GUCY1A2: variants seen among roughly 807,000 people sequenced by gnomAD.
The protein encoded by GUCY1A2 is guanylate cyclase 1 soluble subunit alpha 2, also known as guanylate cyclase soluble subunit alpha-2.
A neutral mutation model predicts 63.5 loss-of-function variants in GUCY1A2; 27 were observed. That is an observed-to-expected ratio of 0.43 (90% CI 0.31 to 0.59). The LOEUF is 0.59. Among genes scored for constraint, GUCY1A2 ranks in the 20% least tolerant of loss-of-function variants. The pLI is 0.11. For missense variants in GUCY1A2, 768 were observed against 913.3 expected (o/e 0.84, Z 2.05); for synonymous variants, 364 against 343.5 (o/e 1.06, Z -0.66).
intron 6 of GUCY1A2, among the ~76,000 whole-genome samples, chr11:106,758,463 A>T (rs1468609256): frequency 2.0e-5 from 3 of 152,158 alleles, no homozygotes; most frequent in African/African-American, 7.2e-5. Context: ...AGGTGAAGCA[A>T]CGCCACACAC....
At chr11:106,867,968 A>T (rs1859618992) in intron 4 of GUCY1A2, among the ~76,000 whole-genome samples, 1 of 151,998 alleles carries the variant, frequency 6.6e-6, no homozygotes, top group Non-Finnish European at 1.5e-5. Context: ...TCCCACCTTA[A>T]ATACACACCC....
chr11:106,978,978 A>G (rs1861298728), intron 2 of GUCY1A2, among the ~76,000 whole-genome samples: 1 of 152,236 alleles, frequency 6.6e-6, no homozygotes, highest in Admixed American at 6.5e-5. Flanking sequence ...AAAATTGAAG[A>G]GAACAAAAAA....
intron 6 of GUCY1A2, among the ~76,000 whole-genome samples, chr11:106,768,248 G>C (rs1012132458): frequency 6.6e-6 from 1 of 152,024 alleles, no homozygotes; most frequent in Non-Finnish European, 1.5e-5. Flanking sequence ...TCAGCTTCTC[G>C]AGTATCTGGG....
In GUCY1A2 at chr11:106,920,222, G is replaced by A. The variant is rs1017203082; in HGVS notation, c.1206+19238C>T. Among the ~76,000 whole-genome samples, 6 of 152,002 alleles carry A rather than the reference G, an allele frequency of 3.9e-5. No homozygotes were observed. The East Asian group carries it at 5.8e-4, about 15-fold the overall frequency. On this transcript the variant is annotated intron_variant, in intron 4 of 7. Coordinates refer to ENST00000526355, the MANE Select transcript of GUCY1A2 (RefSeq NM_000855.3). ...CCGAGAATGGTTATTTCAGTGGATG[G>A]AGCAGTGCAGAACTGGGAAGAAAGT...
chr11:106,781,079 A>G (rs1297934838), intron 5 of GUCY1A2, among the ~76,000 whole-genome samples: 1 of 151,606 alleles, frequency 6.6e-6, no homozygotes, highest in East Asian at 1.9e-4. Flanking sequence ...GAGCTAAACC[A>G]AAATGAAACA....
In GUCY1A2 at chr11:106,810,022, G is replaced by T; in HGVS notation, c.1663C>A (p.His555Asn). 6.2e-7 allele frequency: 1 copy of T among 1,604,940 alleles called. No individual in the cohort carries two copies. The highest frequency in any genetic ancestry group is 8.5e-7 in the Non-Finnish European group (1 of 1,172,154). Residue 555 changes from histidine (H) to asparagine (N), a missense_variant, in exon 5 of 8, where the codon CAC (histidine) becomes AAC (asparagine). Around this residue, in one of 3 missense-constraint regions of GUCY1A2, gnomAD observed 122 missense variants for 238.1 expected, o/e 0.51. Coordinates refer to ENST00000526355, the MANE Select transcript of GUCY1A2 (RefSeq NM_000855.3). ...TAAATATCCAAAAATCCACACTGGT[G>T]GTCAAATCTGGTGTACAGTTCATTC... is the stretch of plus-strand genomic sequence containing the variant. ...MLNELYTRFD[H>N]QCGFLDIYKV...
chr11:106,816,180 A>C (rs1350506672), intron 4 of GUCY1A2, among the ~76,000 whole-genome samples: 2 of 151,036 alleles, frequency 1.3e-5, no homozygotes, highest in Non-Finnish European at 3.0e-5. Context: ...AAAAAAAAAA[A>C]AAAAAAAAAC....
At chr11:106,796,563 G>T (rs1409387436) in intron 5 of GUCY1A2, among the ~76,000 whole-genome samples, 2 of 152,102 alleles carry the variant, frequency 1.3e-5, no homozygotes, top group Non-Finnish European at 2.9e-5. Context: ...TGAAATTCTG[G>T]GTTGAAAATT....
At chr11:106,711,506 C>G (rs979418430) in intron 6 of GUCY1A2, among the ~76,000 whole-genome samples, 5 of 152,174 alleles carry the variant, frequency 3.3e-5, no homozygotes, top group African/African-American at 1.2e-4. Flanking sequence ...CCAGGCTGCT[C>G]TATTCCCCTC....
At chr11:106,716,235 A>T (rs1863211190) in intron 6 of GUCY1A2, among the ~76,000 whole-genome samples, 1 of 152,202 alleles carries the variant, frequency 6.6e-6, no homozygotes. Flanking sequence ...ACAGCAGATC[A>T]TATAGCACAG....
At chr11:106,746,770 T>C in intron 6 of GUCY1A2, 1 of 538,406 alleles carries the variant, frequency 1.9e-6, no homozygotes, top group Non-Finnish European at 3.3e-6. Context: ...GTCACTGAGG[T>C]TGACATTGGT....
intron 5 of GUCY1A2, among the ~76,000 whole-genome samples, chr11:106,777,818 C>CTAAAG (rs1296889019): frequency 6.6e-6 from 1 of 151,804 alleles, no homozygotes; most frequent in East Asian, 1.9e-4. Context: ...ACCCCAGAAC[C>CTAAAG]TAAAGTATAA....
At chr11:106,945,556 C>T (rs1373176014) in intron 3 of GUCY1A2, among the ~76,000 whole-genome samples, 1 of 152,198 alleles carries the variant, frequency 6.6e-6, no homozygotes, top group African/African-American at 2.4e-5. Flanking sequence ...TGTACATATA[C>T]ATCATATACA....
At chr11:106,774,226 G>A (rs1405406333) in intron 6 of GUCY1A2, among the ~76,000 whole-genome samples, 3 of 151,714 alleles carry the variant, frequency 2.0e-5, no homozygotes, top group East Asian at 1.9e-4. Context: ...TCTGCCTCCC[G>A]GGTTCACGCC....
chr11:106,863,456 T>C (rs976048305), intron 4 of GUCY1A2, among the ~76,000 whole-genome samples: 2 of 152,112 alleles, frequency 1.3e-5, no homozygotes, highest in African/African-American at 4.8e-5. Context: ...TGTAGATGTG[T>C]GGTGTTATTT....
At position 106,810,233 on chromosome 11, in the gene GUCY1A2, T is replaced by G. The variant is rs140112037; in HGVS notation, c.1452A>C (p.Glu484Asp). The change falls in exon 5 of 8, where the codon GAA becomes GAC. Residue 484 changes from glutamate to aspartate, a missense_variant. By Grantham distance (45) the Glu-to-Asp change is conservative. Transcript: ENST00000526355. ...ATLERTHQAL[E>D]EEKKKTVDLL... ...GATCCACTGTCTTCTTTTTCTCTTC[T>G]TCCAGGGCCTGGTGAGTTCTTTCTA... is the stretch of plus-strand genomic sequence containing the variant. 1 of 1,613,986 alleles carries G rather than the reference T, an allele frequency of 6.2e-7. No individual in the cohort carries two copies. The highest frequency in any genetic ancestry group is 1.1e-5 in the South Asian group (1 of 91,082).
intron 6 of GUCY1A2, among the ~76,000 whole-genome samples, chr11:106,730,863 A>G (rs1474060713): frequency 6.6e-6 from 1 of 152,054 alleles, no homozygotes; most frequent in Non-Finnish European, 1.5e-5. Flanking sequence ...TTCTCTAATG[A>G]TTAGTGATGT....
Position 106,842,412 on chromosome 11 carries a change from T to C in GUCY1A2, c.1207-31934A>G, listed in dbSNP as rs188289498. 6.7e-4 allele frequency among the ~76,000 whole-genome samples: 102 copies of C among 152,090 alleles called. 1 individual carries two copies. Among genetic ancestry groups the C allele is most frequent in the Middle Eastern group, 3.4e-3 (1 of 294 alleles). ...AAAGGCCACTATGTAGTCCCTTTCTTTGAGTCAGTGTTGTAGAATAAACAG... is the reference window on the plus strand; with the variant it reads ...AAAGGCCACTATGTAGTCCCTTTCTCTGAGTCAGTGTTGTAGAATAAACAG... On this transcript the variant is annotated intron_variant, in intron 4 of 7. Coordinates refer to ENST00000526355, the MANE Select transcript of GUCY1A2 (RefSeq NM_000855.3).
At chr11:106,963,287 T>C (rs1363920521) in intron 3 of GUCY1A2, among the ~76,000 whole-genome samples, 2 of 152,104 alleles carry the variant, frequency 1.3e-5, no homozygotes, top group African/African-American at 4.8e-5. Flanking sequence ...ATTTGGGAAG[T>C]CCAAAATTAT....
Sources: gnomAD v4.1 joint callset for allele counts (sites outside exome capture counted in the v4.1 genomes callset) on GRCh38, gnomAD v4.1.1 for gene constraint, gnomAD v4.1.1 regional missense constraint, MANE v1.5 for transcripts, NCBI Gene and HGNC (gene_info 2026-07-23, HGNC 2026-07-21) for gene names.